The following CA10 variants were observed in gnomAD, a reference collection of about 807,000 sequenced individuals.
CA10 encodes carbonic anhydrase 10 (inactive), also known as carbonic anhydrase-related protein 10.
Under a neutral mutation model 44.2 loss-of-function variants are expected in CA10, and 14 were observed. The ratio of observed to expected loss-of-function variants is 0.32; its 90% CI spans 0.21 to 0.50. The LOEUF is 0.50. Among genes scored for constraint, CA10 ranks in the 20% least tolerant of loss-of-function variants. The pLI is 0.99. For missense variants in CA10, 350 were observed against 409.7 expected (o/e 0.85, Z 1.26); for synonymous variants, 159 against 141.6 (o/e 1.12, Z -0.87).
chr17:51,728,382 C>T (rs913998065), intron 4 of CA10, among the ~76,000 whole-genome samples: 7 of 152,076 alleles, frequency 4.6e-5, no homozygotes, highest in African/African-American at 1.7e-4. Context: ...CTACTACTGT[C>T]CTTTTTCTGT....
chr17:52,123,118 T>C (rs1989046489), intron 1 of CA10, among the ~76,000 whole-genome samples: 1 of 152,152 alleles, frequency 6.6e-6, no homozygotes, highest in East Asian at 1.9e-4. Flanking sequence ...CGGAGATACT[T>C]GACCTGCAAC....
intron 3 of CA10, among the ~76,000 whole-genome samples, chr17:51,875,682 A>AT (rs1336736530): frequency 6.6e-6 from 1 of 151,280 alleles, no homozygotes; most frequent in Admixed American, 6.6e-5. Context: ...ACTAAAGTTT[A>AT]TTTTTTGGGG....
chr17:51,636,775 T>TTGTG (rs57428535), intron 6 of CA10, among the ~76,000 whole-genome samples: 8,728 of 146,380 alleles, frequency 0.06, 332 homozygotes, highest in East Asian at 0.18. Flanking sequence ...ACTGATTATT[T>TTGTG]TGTGTGTGTG....
intron 2 of CA10, among the ~76,000 whole-genome samples, chr17:52,009,466 T>A (rs765382512): frequency 6.6e-6 from 1 of 152,020 alleles, no homozygotes; most frequent in Non-Finnish European, 1.5e-5. Flanking sequence ...TGAACTATGG[T>A]GCTGATGTGT....
intron 3 of CA10, among the ~76,000 whole-genome samples, chr17:51,790,888 G>T (rs1906495833): frequency 6.6e-6 from 1 of 152,148 alleles, no homozygotes; most frequent in Non-Finnish European, 1.5e-5. Context: ...TCTCTGTTTT[G>T]GGGGCATGGA....
intron 1 of CA10, among the ~76,000 whole-genome samples, chr17:52,100,131 G>A (rs528833475): frequency 3.0e-4 from 46 of 152,248 alleles, no homozygotes; most frequent in African/African-American, 7.9e-4. Context: ...AACCAAGAGC[G>A]TATTTGTATA....
intron 2 of CA10, among the ~76,000 whole-genome samples, chr17:52,048,570 G>A (rs1396475363): frequency 2.0e-5 from 3 of 152,004 alleles, no homozygotes; most frequent in Admixed American, 6.6e-5. Context: ...ACATCAAGGA[G>A]CCATGAAAGG....
At chr17:52,092,053 C>T (rs1988280713) in intron 1 of CA10, among the ~76,000 whole-genome samples, 1 of 149,924 alleles carries the variant, frequency 6.7e-6, no homozygotes, top group Non-Finnish European at 1.5e-5. Flanking sequence ...AACAACCTGT[C>T]TTTCTCTTTC....
intron 2 of CA10, among the ~76,000 whole-genome samples, chr17:52,011,440 C>A (rs1390748899): frequency 2.0e-5 from 3 of 151,910 alleles, no homozygotes; most frequent in Admixed American, 2.0e-4. Context: ...GGGCATTAAT[C>A]TTTTCTAAAT....
chr17:52,018,901 T>C (rs1986051626), intron 2 of CA10, among the ~76,000 whole-genome samples: 1 of 152,084 alleles, frequency 6.6e-6, no homozygotes, highest in African/African-American at 2.4e-5. Context: ...AATGGCTTGG[T>C]GCTGTCCCCA....
chr17:52,057,837 C>T (rs1331909810), intron 2 of CA10, among the ~76,000 whole-genome samples: 2 of 152,114 alleles, frequency 1.3e-5, no homozygotes, highest in Non-Finnish European at 2.9e-5. Context: ...CTGTTACTGC[C>T]TGCACCCAGC....
chr17:51,749,714 G>T (rs533238235), intron 3 of CA10, among the ~76,000 whole-genome samples: 1 of 152,326 alleles, frequency 6.6e-6, no homozygotes, highest in East Asian at 1.9e-4. Flanking sequence ...TGAACTGCAA[G>T]GTCGCCTGAG....
At chr17:51,888,189 G>A (rs1193447002) in intron 3 of CA10, among the ~76,000 whole-genome samples, 2 of 151,610 alleles carry the variant, frequency 1.3e-5, no homozygotes, top group Non-Finnish European at 2.9e-5. Flanking sequence ...TTAAAAAAAA[G>A]GAGAAGAAAG....
intron 1 of CA10, among the ~76,000 whole-genome samples, chr17:52,132,193 C>T (rs1989257795): frequency 6.6e-6 from 1 of 151,880 alleles, no homozygotes; most frequent in Non-Finnish European, 1.5e-5. Flanking sequence ...AAAAGAAATA[C>T]TATTTTTATT....
Position 51,939,028 on chromosome 17 carries a change from C to G in CA10, c.137-7896G>C, listed in dbSNP as rs142442832. 5.6e-3 allele frequency among the ~76,000 whole-genome samples: 845 copies of G among 152,190 alleles called. 7 individuals are homozygous for G. Among genetic ancestry groups the G allele is most frequent in the African/African-American group, 0.019 (798 of 41,542 alleles). ...TGTATAAAGCAAGAGGTAATCATCTCTTCCTCCTTCCAGTAACATCCTGAG... is the reference window on the plus strand; with the variant it reads ...TGTATAAAGCAAGAGGTAATCATCTGTTCCTCCTTCCAGTAACATCCTGAG... On this transcript the variant is annotated intron_variant, in intron 2 of 8. Transcript: ENST00000451037.
intron 1 of CA10, chr17:52,134,805 C>A: frequency 2.0e-6 from 1 of 512,198 alleles, no homozygotes; most frequent in Admixed American, 1.9e-5. Context: ...TTCCACTGTG[C>A]CCTGGCACCA....
intron 1 of CA10, among the ~76,000 whole-genome samples, chr17:52,148,432 A>G (rs1325179140): frequency 6.6e-6 from 1 of 152,250 alleles, no homozygotes; most frequent in East Asian, 1.9e-4. Flanking sequence ...TTAAACAACT[A>G]TAAGTGCCCC....
chr17:51,756,981 G>A (rs1281484683), intron 3 of CA10, among the ~76,000 whole-genome samples: 3 of 152,154 alleles, frequency 2.0e-5, no homozygotes. Context: ...GAGCAACTGG[G>A]TGGCTGAGCC....
chr17:51,943,965 A>T (rs1335214993), intron 2 of CA10, among the ~76,000 whole-genome samples: 1 of 152,062 alleles, frequency 6.6e-6, no homozygotes, highest in East Asian at 1.9e-4. Flanking sequence ...GAGTTACAGA[A>T]CAGTATCTCC....
Sources: allele counts gnomAD v4.1 joint callset (sites outside exome capture counted in the v4.1 genomes callset), GRCh38; gene constraint gnomAD v4.1.1; transcripts MANE v1.5; gene names NCBI Gene and HGNC (gene_info 2026-07-23, HGNC 2026-07-21).